PCCA: variants seen among roughly 807,000 people sequenced by gnomAD.
PCCA encodes propionyl-CoA carboxylase alpha chain, mitochondrial.
PCCA carries 74 observed loss-of-function variants against 101.3 expected under a neutral mutation model. The observed-to-expected ratio is 0.73, with a 90% CI of 0.61 to 0.89. The LOEUF is 0.89. Ranked by LOEUF, PCCA falls within the 40% of genes least tolerant of loss-of-function variation. PCCA has a pLI of 0.00. For missense variants in PCCA, 891 were observed against 907.0 expected (o/e 0.98, Z 0.23); for synonymous variants, 294 against 313.6 (o/e 0.94, Z 0.66).
chr13:100,163,232 A>G (rs2152399076), intron 6 of PCCA, among the ~76,000 whole-genome samples: 1 of 152,240 alleles, frequency 6.6e-6, no homozygotes. Context: ...GCTTGAGGTT[A>G]AAACAGATTG....
At chr13:100,192,964 C>CT (rs946777354) in intron 6 of PCCA, among the ~76,000 whole-genome samples, 14 of 152,084 alleles carry the variant, frequency 9.2e-5, no homozygotes, top group African/African-American at 3.1e-4. Context: ...ACTATAAACT[C>CT]TTGAGTGTGA....
At chr13:100,382,975 TG>T (rs2076312610) in intron 19 of PCCA, among the ~76,000 whole-genome samples, 2 of 151,944 alleles carry the variant, frequency 1.3e-5, no homozygotes, top group African/African-American at 4.8e-5. Flanking sequence ...AAGTTCCTCT[TG>T]GGGGAGATGA....
chr13:100,452,203 TTC>T (rs1288623904), intron 21 of PCCA, among the ~76,000 whole-genome samples: 3 of 149,208 alleles, frequency 2.0e-5, no homozygotes, highest in Non-Finnish European at 3.0e-5. Context: ...CCTCTTTTTC[TTC>T]TCTCTCTCTC....
intron 10 of PCCA, among the ~76,000 whole-genome samples, chr13:100,266,444 A>G (rs1201399598): frequency 3.3e-5 from 5 of 152,238 alleles, no homozygotes; most frequent in African/African-American, 1.2e-4. Flanking sequence ...TATCTCATCT[A>G]TACTTAGAAG....
At chr13:100,247,465 C>T (rs1159036293) in intron 8 of PCCA, among the ~76,000 whole-genome samples, 3 of 151,576 alleles carry the variant, frequency 2.0e-5, no homozygotes, top group Middle Eastern at 3.2e-3. Context: ...ATCTGCCCGC[C>T]TCTGCCTCCC....
chr13:100,496,835 C>T (rs2085312812), intron 21 of PCCA, among the ~76,000 whole-genome samples: 1 of 152,046 alleles, frequency 6.6e-6, no homozygotes, highest in Non-Finnish European at 1.5e-5. Flanking sequence ...TATGAGTCAG[C>T]CAAGCCAAGG....
At chr13:100,209,063 GT>G (rs888716440) in intron 6 of PCCA, among the ~76,000 whole-genome samples, 10 of 152,100 alleles carry the variant, frequency 6.6e-5, no homozygotes, top group African/African-American at 2.4e-4. Context: ...CAAATACAGT[GT>G]CATAGAGTGA....
In PCCA at chr13:100,497,461, A is replaced by ATT. The variant is rs760521573; in HGVS notation, c.1900-17950_1900-17949dup. 8.4e-5 allele frequency among the ~76,000 whole-genome samples: 12 copies of ATT among 142,692 alleles called. No individual in the cohort carries two copies. In the East Asian group the frequency reaches 1.4e-3, roughly 17 times the overall value. 93.6% of individuals were successfully genotyped at this position (142,692 alleles called of 152,430 possible). A position where few individuals can be genotyped will look rare whatever the true frequency, so the allele number is the denominator to read the frequency against. ...GCCTCTTTGACACCCAGCCAATTTA[A>ATT]TTTTTTTTTTTTTTTTTAATTTTAG... On this transcript the variant is annotated intron_variant, in intron 21 of 23. Coordinates refer to ENST00000376285, the MANE Select transcript of PCCA (RefSeq NM_000282.4).
chr13:100,452,030 T>A (rs1441614061), intron 21 of PCCA, among the ~76,000 whole-genome samples: 1 of 127,968 alleles, frequency 7.8e-6, no homozygotes, highest in Non-Finnish European at 1.7e-5. Flanking sequence ...CTCCTCTCCC[T>A]CTCTCCTTTC....
intron 19 of PCCA, among the ~76,000 whole-genome samples, chr13:100,414,515 T>G (rs1304993070): frequency 6.6e-6 from 1 of 152,240 alleles, no homozygotes. Context: ...TGTTTGAGTT[T>G]TGTCATGCTT....
chr13:100,090,388 T>C (rs923702159), intron 1 of PCCA, among the ~76,000 whole-genome samples: 8 of 152,362 alleles, frequency 5.3e-5, no homozygotes, highest in Admixed American at 5.2e-4. Context: ...GTTGGCCACT[T>C]CAATTGCAGC....
chr13:100,301,297 CT>C (rs2066037482), intron 12 of PCCA, among the ~76,000 whole-genome samples, 162 bp from the exon 13 acceptor site: 1 of 152,192 alleles, frequency 6.6e-6, no homozygotes, highest in Admixed American at 6.5e-5. Flanking sequence ...TGTGTTTATT[CT>C]TTCATTTTAT....
At chr13:100,401,501 C>CA (rs975037464) in intron 19 of PCCA, among the ~76,000 whole-genome samples, 3 of 152,182 alleles carry the variant, frequency 2.0e-5, no homozygotes, top group Non-Finnish European at 4.4e-5. Context: ...CTTGGCCTCC[C>CA]AAAGTGCTGG....
chr13:100,193,669 A>G (rs1169807571), intron 6 of PCCA, among the ~76,000 whole-genome samples: 1 of 152,212 alleles, frequency 6.6e-6, no homozygotes. Flanking sequence ...ACTACATCTT[A>G]TTGTCACTTT....
At chr13:100,277,972 A>T (rs548950269) in intron 12 of PCCA, among the ~76,000 whole-genome samples, 14 of 152,324 alleles carry the variant, frequency 9.2e-5, no homozygotes, top group African/African-American at 3.4e-4. Flanking sequence ...GCATTTTGAG[A>T]CTAGTATTGT....
chr13:100,348,789 T>TCTCTCTTTTTC (rs2072776806), intron 18 of PCCA, among the ~76,000 whole-genome samples: 42 of 56,818 alleles, frequency 7.4e-4, no homozygotes, highest in Non-Finnish European at 1.0e-3. Context: ...TCTTTCTTTC[T>TCTCTCTTTTTC]TCCTTCCTTC....
chr13:100,444,795 G>A (rs757113544), intron 20 of PCCA, among the ~76,000 whole-genome samples: 41 of 151,938 alleles, frequency 2.7e-4, no homozygotes, highest in Non-Finnish European at 4.0e-4. Flanking sequence ...CAAAGTGCTG[G>A]GATTATAGGT....
rs924318268 is a variant in PCCA at position 100,453,940 on chromosome 13, C to T, written c.1899+4635C>T. Among the ~76,000 whole-genome samples, 8 of 152,080 alleles carry T rather than the reference C, an allele frequency of 5.3e-5. 1 individual carries two copies. Among genetic ancestry groups the T allele is most frequent in the South Asian group, 4.1e-4 (2 of 4,836 alleles). On this transcript the variant is annotated intron_variant, in intron 21 of 23. Coordinates refer to ENST00000376285, the MANE Select transcript of PCCA (RefSeq NM_000282.4). ...AGTGCAGTGGCGCGATCTCGATATC[C>T]GCTCACTGCAAGCTCCGCCTCCTGG...
chr13:100,097,486 G>A (rs1368061329), intron 1 of PCCA, among the ~76,000 whole-genome samples: 3 of 152,166 alleles, frequency 2.0e-5, no homozygotes, highest in African/African-American at 4.8e-5. Flanking sequence ...TTGGGAGGCC[G>A]AGGCAGGTGG....
Sources: allele counts gnomAD v4.1 joint callset (sites outside exome capture counted in the v4.1 genomes callset), GRCh38; gene constraint gnomAD v4.1.1; transcripts MANE v1.5; gene names NCBI Gene and HGNC (gene_info 2026-07-23, HGNC 2026-07-21).